C1QTNF1: variants seen among roughly 807,000 people sequenced by gnomAD.
C1QTNF1 encodes the protein complement C1q tumor necrosis factor-related protein 1.
A neutral mutation model predicts 27.8 loss-of-function variants in C1QTNF1; 22 were observed. The observed-to-expected ratio is 0.79, with a 90% CI of 0.56 to 1.13. The LOEUF is 1.13. Ranked by LOEUF, C1QTNF1 falls within the 50% of genes most tolerant of loss-of-function variation. The pLI, the probability that C1QTNF1 is intolerant of heterozygous loss-of-function variation, is 0.00. For missense variants in C1QTNF1, 373 were observed against 380.2 expected (o/e 0.98, Z 0.16); for synonymous variants, 166 against 154.3 (o/e 1.08, Z -0.56).
intron 1 of C1QTNF1, among the ~76,000 whole-genome samples, chr17:79,028,657 G>A (rs952138571): frequency 6.6e-6 from 1 of 152,230 alleles, no homozygotes; most frequent in African/African-American, 2.4e-5. Flanking sequence ...GGTCCTCCCC[G>A]TGTGGTGCGT....
chr17:79,026,168 T>G (rs1281886089), intron 1 of C1QTNF1, among the ~76,000 whole-genome samples: 1 of 151,982 alleles, frequency 6.6e-6, no homozygotes, highest in Non-Finnish European at 1.5e-5. Flanking sequence ...GCTTCTTTTT[T>G]TTTTTGAGAC....
At chr17:79,033,320 A>C (rs1283789695) in intron 1 of C1QTNF1, among the ~76,000 whole-genome samples, 1 of 152,028 alleles carries the variant, frequency 6.6e-6, no homozygotes, top group Non-Finnish European at 1.5e-5. Flanking sequence ...CACTGTACTG[A>C]CTTAAACATT....
chr17:79,040,825 G>A (rs998316133), intron 1 of C1QTNF1, among the ~76,000 whole-genome samples: 1 of 151,386 alleles, frequency 6.6e-6, no homozygotes, highest in East Asian at 2.0e-4. Context: ...GATGGCTCAA[G>A]TCCAGGAGGC....
At chr17:79,030,364 T>C (rs1281081486) in intron 1 of C1QTNF1, among the ~76,000 whole-genome samples, 1 of 151,992 alleles carries the variant, frequency 6.6e-6, no homozygotes, top group African/African-American at 2.4e-5. Context: ...TGTGTGTGCC[T>C]GTATGTGCGT....
intron 1 of C1QTNF1, among the ~76,000 whole-genome samples, chr17:79,031,008 C>CTTTTT (rs11335486): frequency 5.1e-5 from 7 of 137,960 alleles, no homozygotes; most frequent in Non-Finnish European, 7.9e-5. Context: ...CTTTTCTTTT[C>CTTTTT]TTTTTTTTTT....
intron 1 of C1QTNF1, chr17:79,041,604 C>G (rs1356582606): frequency 1.3e-5 from 2 of 152,170 alleles, no homozygotes; most frequent in African/African-American, 4.8e-5. Flanking sequence ...GTGGTGAAAC[C>G]CCGTCTCTAC....
In C1QTNF1 at chr17:79,043,520, A is replaced by G. The variant is rs113985641; in HGVS notation, c.-14-435A>G. On this transcript the variant is annotated intron_variant, in intron 1 of 3. Coordinates refer to ENST00000579760, the MANE Select transcript of C1QTNF1 (RefSeq NM_030968.5). ...GTGTGCATGTGATGTGGGTATATGT[A>G]TGCATGTGTGTAGGTTTCATTGTTG... 2,526 of 443,364 alleles carry G rather than the reference A, an allele frequency of 5.7e-3. 65 individuals are homozygous for G. Among genetic ancestry groups the G allele is most frequent in the African/African-American group, 0.046 (2,274 of 49,704 alleles). The allele number at this position is 443,364 out of a possible 1,614,324, so 27.5% of individuals were successfully genotyped here. A position where few individuals can be genotyped will look rare whatever the true frequency, so the allele number is the denominator to read the frequency against.
At chr17:79,025,137 G>GCC (rs939465131) in intron 1 of C1QTNF1, 2 of 152,394 alleles carry the variant, frequency 1.3e-5, no homozygotes, top group East Asian at 3.9e-4. Flanking sequence ...GCTGGGAGTG[G>GCC]CCCCCCCGGC....
rs36234641 is a variant in C1QTNF1 at position 79,043,426 on chromosome 17, CTGTG to C, written c.-14-526_-14-523del. ...GTGAGTGTGAGTGTATGTGTGTTGA[CTGTG>C]TGCATGTGAGCGTGTGGATTCCATG... On this transcript the variant is annotated intron_variant, in intron 1 of 3. Transcript: ENST00000579760. 3.8e-3 allele frequency: 1,697 copies of C among 449,646 alleles called. 21 individuals are homozygous for C. The highest frequency in any genetic ancestry group is 0.031 in the African/African-American group (1,501 of 48,438). 27.9% of individuals were successfully genotyped at this position (449,646 alleles called of 1,614,324 possible).
rs201033052 is a variant in C1QTNF1, at chr17:79,040,961, T to C, written c.-14-2994T>C. On this transcript the variant is annotated intron_variant, in intron 1 of 3. Transcript: ENST00000579760. ...GTCTCTGTTTTCTCATTTACATATC[T>C]GCTACAGTCATGAATGTATATTGTC... Among the ~76,000 whole-genome samples, 4 of 152,116 alleles carry C rather than the reference T, an allele frequency of 2.6e-5. No homozygotes were observed. The East Asian group carries it at 7.7e-4, about 29-fold the overall frequency.
At chr17:79,033,839 G>A (rs1221605837) in intron 1 of C1QTNF1, among the ~76,000 whole-genome samples, 1 of 152,200 alleles carries the variant, frequency 6.6e-6, no homozygotes, top group Non-Finnish European at 1.5e-5. Context: ...CAAACCCCAT[G>A]GCTGAAGAAG....
intron 1 of C1QTNF1, among the ~76,000 whole-genome samples, chr17:79,032,121 G>C (rs2072153179): frequency 1.3e-5 from 2 of 152,186 alleles, no homozygotes; most frequent in African/African-American, 4.8e-5. Context: ...CCAGGGGCTT[G>C]GAGTCTTGGG....
intron 1 of C1QTNF1, among the ~76,000 whole-genome samples, chr17:79,040,325 C>T (rs796829077): frequency 1.7e-4 from 26 of 152,216 alleles, no homozygotes; most frequent in African/African-American, 6.0e-4. Flanking sequence ...TTTAGCTGGG[C>T]GTGGTGGCGC....
In C1QTNF1 at chr17:79,027,032, A is replaced by C. The variant is rs552888037; in HGVS notation, c.-15+2538A>C. On this transcript the variant is annotated intron_variant, in intron 1 of 3. Transcript: ENST00000579760. ...TTCATAGATACAGTTGTGCGCAGGG[A>C]CTGGAGCTTCCCATTTGTGTCTTGT... Among the ~76,000 whole-genome samples, 3 of 149,746 alleles carry C rather than the reference A, an allele frequency of 2.0e-5. No individual in the cohort carries two copies. In the South Asian group the frequency reaches 6.4e-4, roughly 32 times the overall value.
upstream of C1QTNF1, chr17:79,023,036 C>T (rs2071818741): frequency 2.0e-5 from 3 of 152,394 alleles, no homozygotes; most frequent in South Asian, 6.2e-4. Flanking sequence ...TGATTCTTTT[C>T]ATCTGTCCAG....
chr17:79,047,500 T>C, intron 3 of C1QTNF1, 38 bp from the exon 4 acceptor site: 5 of 1,510,902 alleles, frequency 3.3e-6, no homozygotes, highest in Non-Finnish European at 4.4e-6. Flanking sequence ...ACTACCGGAT[T>C]GCTCCATTAA....
chr17:79,047,053 C>T (rs1056664479), intron 3 of C1QTNF1: 1 of 302,112 alleles, frequency 3.3e-6, no homozygotes, highest in Non-Finnish European at 6.1e-6. Context: ...CCTGCTCGCT[C>T]CGGTCCTGCA....
intron 1 of C1QTNF1, among the ~76,000 whole-genome samples, chr17:79,027,026 G>A (rs143062803): frequency 7.9e-4 from 119 of 151,554 alleles, no homozygotes; most frequent in African/African-American, 2.8e-3. Context: ...ACAGTTGTGC[G>A]CAGGGACTGG....
intron 3 of C1QTNF1, 85 bp from the exon 4 acceptor site, chr17:79,047,453 G>A (rs750398308): frequency 3.4e-5 from 46 of 1,349,646 alleles, no homozygotes; most frequent in Non-Finnish European, 1.8e-5. Flanking sequence ...TCAGGACAGC[G>A]CCAGGGACCG....
Sources: allele counts gnomAD v4.1 joint callset (sites outside exome capture counted in the v4.1 genomes callset), GRCh38; gene constraint gnomAD v4.1.1; transcripts MANE v1.5; gene names NCBI Gene and HGNC (gene_info 2026-07-23, HGNC 2026-07-21).